SORCS1: variants seen among roughly 807,000 people sequenced by gnomAD.
SORCS1 encodes the protein sortilin related VPS10 domain containing receptor 1.
SORCS1 carries 60 observed loss-of-function variants against 146.1 expected under a neutral mutation model. The observed-to-expected ratio is 0.41, with a 90% CI of 0.33 to 0.51. The LOEUF (loss-of-function observed/expected upper bound fraction) is 0.51. Ranked by LOEUF, SORCS1 falls within the 20% of genes least tolerant of loss-of-function variation. SORCS1 has a pLI of 0.21. For missense variants in SORCS1, 1,352 were observed against 1,487.6 expected (o/e 0.91, Z 1.50); for synonymous variants, 637 against 584.0 (o/e 1.09, Z -1.31).
At chr10:107,049,982 G>A (rs777394518) in intron 1 of SORCS1, among the ~76,000 whole-genome samples, 13 of 152,182 alleles carry the variant, frequency 8.5e-5, no homozygotes, top group African/African-American at 1.2e-4. Flanking sequence ...CCCATTTAAT[G>A]AGGGATATCA....
At chr10:107,011,073 A>G (rs1957678132) in intron 1 of SORCS1, among the ~76,000 whole-genome samples, 2 of 152,334 alleles carry the variant, frequency 1.3e-5, no homozygotes, top group Middle Eastern at 6.8e-3. Context: ...GGAACCTCAG[A>G]AGGAAAGAAA....
intron 5 of SORCS1, among the ~76,000 whole-genome samples, chr10:106,734,723 T>C (rs1349936887): frequency 2.0e-5 from 3 of 152,220 alleles, no homozygotes; most frequent in Non-Finnish European, 4.4e-5. Flanking sequence ...ATTTTTCCTA[T>C]AATATACATC....
In SORCS1 at chr10:106,837,393, C is replaced by T. The variant is rs1589515081; in HGVS notation, c.627-7720G>A. Among the ~76,000 whole-genome samples the T allele has an allele frequency of 2.0e-5, 3 of 151,998 alleles. No individual in the cohort carries two copies. The South Asian group carries it at 6.2e-4, about 32-fold the overall frequency. On this transcript the variant is annotated intron_variant, in intron 2 of 25. Transcript: ENST00000263054. ...AACCCAACCCCCTATGTTAAAGATACCCTGTATTTGTAACTGCCTGGTTCT... is the reference window on the plus strand; with the variant it reads ...AACCCAACCCCCTATGTTAAAGATATCCTGTATTTGTAACTGCCTGGTTCT...
At chr10:106,854,918 A>T (rs1949725444) in intron 2 of SORCS1, among the ~76,000 whole-genome samples, 1 of 152,194 alleles carries the variant, frequency 6.6e-6, no homozygotes, top group African/African-American at 2.4e-5. Context: ...ACTACTCAGA[A>T]GAATAAAGGT....
chr10:106,996,994 G>T (rs1218129738), intron 1 of SORCS1, among the ~76,000 whole-genome samples: 1 of 151,868 alleles, frequency 6.6e-6, no homozygotes, highest in East Asian at 1.9e-4. Flanking sequence ...TTAGGGAAAA[G>T]GAAAGAGGTA....
intron 17 of SORCS1, among the ~76,000 whole-genome samples, chr10:106,665,836 TTTTG>T (rs944610876): frequency 1.8e-4 from 28 of 152,042 alleles, no homozygotes; most frequent in African/African-American, 2.4e-4. Context: ...TCTGTGGGTT[TTTTG>T]TTTGTTTGTT....
chr10:106,624,656 G>C (rs759328997), intron 19 of SORCS1, among the ~76,000 whole-genome samples: 43 of 152,088 alleles, frequency 2.8e-4, no homozygotes, highest in Non-Finnish European at 4.4e-4. Flanking sequence ...CCACCATGCC[G>C]GGCCAATGAT....
intron 2 of SORCS1, among the ~76,000 whole-genome samples, chr10:106,873,812 C>T (rs74152252): frequency 0.023 from 3,510 of 152,284 alleles, 143 homozygotes; most frequent in African/African-American, 0.081. Flanking sequence ...CACTTCAGAA[C>T]ATTTAGTGTT....
At chr10:106,806,378 T>TAAAATA (rs1465964475) in intron 3 of SORCS1, among the ~76,000 whole-genome samples, 1 of 126,994 alleles carries the variant, frequency 7.9e-6, no homozygotes, top group Non-Finnish European at 1.6e-5. Context: ...AAAAATAAAA[T>TAAAATA]AAAATAAAAA....
chr10:107,010,364 T>C (rs1270486375), intron 1 of SORCS1, among the ~76,000 whole-genome samples: 1 of 152,056 alleles, frequency 6.6e-6, no homozygotes, highest in Non-Finnish European at 1.5e-5. Flanking sequence ...TGAAAGAAAA[T>C]CCCAGCCATG....
At chr10:106,902,829 AG>A (rs1245557963) in intron 2 of SORCS1, among the ~76,000 whole-genome samples, 10 of 152,250 alleles carry the variant, frequency 6.6e-5, no homozygotes, top group Non-Finnish European at 1.3e-4. Context: ...CTATAATCCC[AG>A]CACTTTGGGA....
intron 24 of SORCS1, among the ~76,000 whole-genome samples, chr10:106,596,314 T>C (rs1845901306): frequency 6.6e-6 from 1 of 152,200 alleles, no homozygotes; most frequent in African/African-American, 2.4e-5. Context: ...AAGACCACTT[T>C]GCACTGGTGT....
In SORCS1 at chr10:106,913,973, CCAAACCAAAT is replaced by C. The variant is rs1370517402; in HGVS notation, c.626+42530_626+42539del. ...GCTTGTAGGTCCTCCCCAAACCAAACCAAACCAAATCAACCAATACACACATCCAGCCAGT... is the reference window on the plus strand; with the variant it reads ...GCTTGTAGGTCCTCCCCAAACCAAACCAACCAATACACACATCCAGCCAGT... On this transcript the variant is annotated intron_variant, in intron 2 of 25. Coordinates refer to ENST00000263054, the MANE Select transcript of SORCS1 (RefSeq NM_052918.5). Among the ~76,000 whole-genome samples, 326 of 152,318 alleles carry C rather than the reference CCAAACCAAAT, an allele frequency of 2.1e-3. 6 individuals are homozygous for C. The highest frequency in any genetic ancestry group is 7.6e-3 in the African/African-American group (315 of 41,582).
At chr10:106,656,094 G>T (rs563771980) in intron 17 of SORCS1, among the ~76,000 whole-genome samples, 2 of 152,300 alleles carry the variant, frequency 1.3e-5, no homozygotes, top group South Asian at 4.2e-4. Context: ...ATGTGCCTTT[G>T]ATATTACCGA....
rs1844478206 is a variant in SORCS1 at position 106,574,047 on chromosome 10, ACTT to A, written c.*3370_*3372del. The A allele has an allele frequency of 7.9e-6, 1 of 126,644 alleles. No homozygotes were observed. The highest frequency in any genetic ancestry group is 1.6e-5 in the Non-Finnish European group (1 of 63,930). 7.8% of individuals were successfully genotyped at this position (126,644 alleles called of 1,614,324 possible). A position where few individuals can be genotyped will look rare whatever the true frequency, so the allele number is the denominator to read the frequency against. On this transcript the variant is annotated 3_prime_UTR_variant, in exon 26 of 26. Coordinates refer to ENST00000263054, the MANE Select transcript of SORCS1 (RefSeq NM_052918.5). ...GAAGTAGTTCCAATACTATAAGAAA[ACTT>A]TTTTTTTTTTTAATTGGCTTCCTAT... is the stretch of plus-strand genomic sequence containing the variant.
intron 1 of SORCS1, among the ~76,000 whole-genome samples, chr10:107,030,743 T>C (rs1005727627): frequency 4.6e-5 from 7 of 152,122 alleles, no homozygotes; most frequent in Non-Finnish European, 1.0e-4. Flanking sequence ...TTATGCCGAG[T>C]TTAAAACTGA....
intron 23 of SORCS1, chr10:106,600,540 C>G: frequency 5.1e-6 from 5 of 985,278 alleles, no homozygotes; most frequent in Non-Finnish European, 6.0e-6. Context: ...GTTTTCCACA[C>G]CACTTGTAGA....
At chr10:106,656,913 G>A (rs1187738810) in intron 17 of SORCS1, among the ~76,000 whole-genome samples, 1 of 152,168 alleles carries the variant, frequency 6.6e-6, no homozygotes, top group Non-Finnish European at 1.5e-5. Context: ...TGCAGCCAAG[G>A]TTAAAGACTA....
intron 1 of SORCS1, among the ~76,000 whole-genome samples, chr10:107,093,988 C>A (rs1017048134): frequency 6.6e-6 from 1 of 152,148 alleles, no homozygotes; most frequent in Admixed American, 6.5e-5. Context: ...CACTCCCATG[C>A]CACCTCGAGA....
Sources: allele counts gnomAD v4.1 joint callset (sites outside exome capture counted in the v4.1 genomes callset), GRCh38; gene constraint gnomAD v4.1.1; transcripts MANE v1.5; gene names NCBI Gene and HGNC (gene_info 2026-07-23, HGNC 2026-07-21).